Variants in EYS observed in about 807,000 individuals in gnomAD.
EYS encodes EGF-like photoreceptor maintenance factor.
Under a neutral mutation model 282.1 loss-of-function variants are expected in EYS, and 250 were observed. That is an observed-to-expected ratio of 0.89 (90% CI 0.80 to 0.98). The LOEUF (loss-of-function observed/expected upper bound fraction) is 0.98. Among genes scored for constraint, EYS ranks in the 50% least tolerant of loss-of-function variants. The pLI is 0.00. For missense variants in EYS, 4,016 were observed against 3,709.0 expected, an observed-to-expected ratio of 1.08 and a Z score of -2.15; for synonymous variants, 1,355 against 1,282.9, an observed-to-expected ratio of 1.06 and a Z score of -1.20.
chr6:64,509,017 T>C lies in EYS; in HGVS notation c.5645-69665A>G, dbSNP rs1777302579. On this transcript the variant is annotated intron_variant, in intron 26 of 42. Coordinates refer to ENST00000503581, the MANE Select transcript of EYS (RefSeq NM_001142800.2). ...AAAATATTATTTCTCCTGTGTCTAC[T>C]ATGTAAATTATCTCTACCTCCTCTT... 4.6e-5 allele frequency among the ~76,000 whole-genome samples: 7 copies of C among 152,210 alleles called. No individual in the cohort carries two copies. In the South Asian group the frequency reaches 1.2e-3, roughly 27 times the overall value.
chr6:64,615,886 G>A (rs62415848), intron 24 of EYS, among the ~76,000 whole-genome samples: 52 of 151,938 alleles, frequency 3.4e-4, no homozygotes, highest in Non-Finnish European at 6.5e-4. Flanking sequence ...CTATTTAGTA[G>A]ACATGTGGTC....
At chr6:64,358,161 G>T (rs1476458086) in intron 29 of EYS, among the ~76,000 whole-genome samples, 1 of 151,602 alleles carries the variant, frequency 6.6e-6, no homozygotes, top group Non-Finnish European at 1.5e-5. Context: ...CATTTGCCCA[G>T]GTGGTGTCTA....
intron 26 of EYS, among the ~76,000 whole-genome samples, chr6:64,549,153 G>A (rs1009703454): frequency 4.6e-5 from 7 of 152,070 alleles, no homozygotes; most frequent in Admixed American, 2.0e-4. Context: ...TTAGTTATTG[G>A]GGATAACCAT....
chr6:63,988,979 TG>T (rs1182245097), intron 34 of EYS, among the ~76,000 whole-genome samples: 1 of 151,666 alleles, frequency 6.6e-6, no homozygotes, highest in Non-Finnish European at 1.5e-5. Context: ...ATTTATTTTT[TG>T]TTTTGTTTTA....
chr6:65,428,037 T>A (rs1321585872), intron 5 of EYS, among the ~76,000 whole-genome samples: 1 of 152,072 alleles, frequency 6.6e-6, no homozygotes, highest in African/African-American at 2.4e-5. Flanking sequence ...TAAGTGAAAT[T>A]TGATGTTCAA....
chr6:65,029,548 T>G (rs531407762), intron 13 of EYS, among the ~76,000 whole-genome samples: 1 of 152,154 alleles, frequency 6.6e-6, no homozygotes, highest in Non-Finnish European at 1.5e-5. Flanking sequence ...CTGCCTCTCC[T>G]GCCTCCCCTT....
chr6:65,456,744 T>C (rs73741582), intron 5 of EYS, among the ~76,000 whole-genome samples: 1,670 of 151,538 alleles, frequency 0.011, 29 homozygotes, highest in African/African-American at 0.038. Context: ...TCACAACAAA[T>C]TAGAAGTATG....
At chr6:63,908,007 C>CAA (rs527818820) in intron 35 of EYS, among the ~76,000 whole-genome samples, 1 of 101,128 alleles carries the variant, frequency 9.9e-6, no homozygotes, top group Non-Finnish European at 2.1e-5. Context: ...CACACACACA[C>CAA]AAACGTATAT....
intron 35 of EYS, among the ~76,000 whole-genome samples, chr6:63,906,524 A>AGATTTG (rs1418934004): frequency 6.6e-6 from 1 of 152,230 alleles, no homozygotes; most frequent in Non-Finnish European, 1.5e-5. Context: ...CATACATTTT[A>AGATTTG]GATTTTGGAT....
intron 36 of EYS, among the ~76,000 whole-genome samples, chr6:63,860,533 T>C (rs1284534877): frequency 6.6e-6 from 1 of 152,242 alleles, no homozygotes; most frequent in African/African-American, 2.4e-5. Context: ...GTGAGACTTT[T>C]TGTATAGCTC....
chr6:64,201,836 T>C (rs1364813811), intron 31 of EYS, among the ~76,000 whole-genome samples: 4 of 152,202 alleles, frequency 2.6e-5, no homozygotes, highest in Non-Finnish European at 5.9e-5. Context: ...CATGTTCACC[T>C]AGATAAATGG....
At chr6:64,243,724 C>A (rs2150344626) in intron 30 of EYS, among the ~76,000 whole-genome samples, 1 of 152,244 alleles carries the variant, frequency 6.6e-6, no homozygotes, top group South Asian at 2.1e-4. Flanking sequence ...TGCTATTAAA[C>A]AAAACTAAAA....
At chr6:65,114,310 A>G (rs1775304076) in intron 12 of EYS, among the ~76,000 whole-genome samples, 1 of 147,726 alleles carries the variant, frequency 6.8e-6, no homozygotes, top group Non-Finnish European at 1.5e-5. Context: ...ACATTTTTAT[A>G]GAATATCATA....
intron 22 of EYS, among the ~76,000 whole-genome samples, chr6:64,718,620 A>T (rs1313812341): frequency 6.6e-6 from 1 of 152,190 alleles, no homozygotes; most frequent in Non-Finnish European, 1.5e-5. Flanking sequence ...TGCATAGCAC[A>T]GTACATTTTA....
At chr6:65,239,682 T>A (rs1767009294) in intron 12 of EYS, among the ~76,000 whole-genome samples, 1 of 151,838 alleles carries the variant, frequency 6.6e-6, no homozygotes, top group Admixed American at 6.6e-5. Flanking sequence ...GCAACAAGAG[T>A]TGATATTAAA....
intron 19 of EYS, among the ~76,000 whole-genome samples, chr6:64,880,413 CA>C (rs1244619181): frequency 6.6e-6 from 1 of 151,690 alleles, no homozygotes; most frequent in Non-Finnish European, 1.5e-5. Flanking sequence ...TCTAATTATT[CA>C]ATTACATAAA....
At chr6:63,835,564 A>T (rs1257391772) in intron 36 of EYS, among the ~76,000 whole-genome samples, 1 of 151,990 alleles carries the variant, frequency 6.6e-6, no homozygotes, top group Non-Finnish European at 1.5e-5. Flanking sequence ...GATACAATGG[A>T]CTTTGGAGAC....
chr6:64,538,065 T>C (rs1429736181), intron 26 of EYS, among the ~76,000 whole-genome samples: 1 of 152,152 alleles, frequency 6.6e-6, no homozygotes, highest in Non-Finnish European at 1.5e-5. Context: ...ATAGCTAGGA[T>C]GCATTAAAAA....
At position 64,230,715 on chromosome 6, in the gene EYS, A is replaced by G; in HGVS notation, c.6301T>C (p.Ser2101Pro). 1 of 1,551,592 alleles carries G rather than the reference A, an allele frequency of 6.4e-7. No homozygotes were observed. The highest frequency in any genetic ancestry group is 8.7e-7 in the Non-Finnish European group (1 of 1,146,884). The change falls in exon 31 of 43, where the codon TCT becomes CCT. Residue 2101 changes from serine to proline, a missense_variant. Physicochemically the swap from Ser to Pro is moderately conservative, Grantham distance 74. Transcript: ENST00000503581. The stretch of plus-strand genomic sequence containing the variant: ...TGGCATACATCCTGCTGGCACACAG[A>G]GGGTGCTGCAACAGAGGGGCTGACA... ...TSVSPSVAAP[S>P]VCQQDVCHNG... is the part of the protein sequence containing the mutation.
Sources: allele counts gnomAD v4.1 joint callset (sites outside exome capture counted in the v4.1 genomes callset), GRCh38; gene constraint gnomAD v4.1.1; transcripts MANE v1.5; gene names NCBI Gene and HGNC (gene_info 2026-07-23, HGNC 2026-07-21).